Variants in PACRG observed in about 807,000 individuals in gnomAD.
The protein encoded by PACRG is parkin coregulated gene protein.
A neutral mutation model predicts 29.7 loss-of-function variants in PACRG; 29 were observed. That is an observed-to-expected ratio of 0.98 (90% CI 0.73 to 1.33). The LOEUF (loss-of-function observed/expected upper bound fraction) is 1.33, where lower values mean the gene tolerates loss of function less well. Among genes scored for constraint, PACRG ranks in the 40% most tolerant of loss-of-function variants. The probability of loss-of-function intolerance (pLI) is 0.00; values close to 1 mark genes in which losing one functional copy is unlikely to be tolerated. For missense variants in PACRG, 279 were observed against 316.2 expected (o/e 0.88, Z 0.89); for synonymous variants, 116 against 118.7 (o/e 0.98, Z 0.15).
chr6:162,945,896 A>G (rs1351801837), intron 2 of PACRG, among the ~76,000 whole-genome samples: 1 of 152,128 alleles, frequency 6.6e-6, no homozygotes, highest in Non-Finnish European at 1.5e-5. Flanking sequence ...ATTAAACAAC[A>G]TGTTCCTGAA....
chr6:163,097,542 C>A (rs1814709193), intron 4 of PACRG, among the ~76,000 whole-genome samples: 1 of 152,210 alleles, frequency 6.6e-6, no homozygotes, highest in Non-Finnish European at 1.5e-5. Flanking sequence ...GGCACAGTCT[C>A]AGGAGGTCCT....
rs566917761 is a variant in PACRG, at chr6:162,815,047, A to G, written c.291+766A>G. On this transcript the variant is annotated intron_variant, in intron 2 of 4. Coordinates refer to ENST00000366888, the MANE Select transcript of PACRG (RefSeq NM_001080379.2). ...TGCTGGTCTCTAACCAGCTTCTGCT[A>G]TTTAATTATTGTTGTTATCAAAGAC... 2.6e-5 allele frequency among the ~76,000 whole-genome samples: 4 copies of G among 152,304 alleles called. No individual in the cohort carries two copies. In the South Asian group the frequency reaches 6.2e-4, roughly 24 times the overall value.
intron 2 of PACRG, among the ~76,000 whole-genome samples, chr6:162,828,546 C>T (rs1788475648): frequency 6.6e-6 from 1 of 152,090 alleles, no homozygotes; most frequent in Non-Finnish European, 1.5e-5. Context: ...ATGGAGCTTC[C>T]ACTACAGTAG....
intron 2 of PACRG, among the ~76,000 whole-genome samples, chr6:162,986,966 CT>C (rs1401203057): frequency 6.6e-6 from 1 of 151,648 alleles, no homozygotes; most frequent in Non-Finnish European, 1.5e-5. Context: ...TCAACTTTCT[CT>C]GGTATCTCTT....
chr6:162,766,827 A>G (rs35260185), intron 1 of PACRG, among the ~76,000 whole-genome samples: 14,589 of 152,036 alleles, frequency 0.096, 958 homozygotes, highest in South Asian at 0.23. Context: ...CTAACTCAGT[A>G]GTTTTTCTTT....
At chr6:163,101,135 AT>A in intron 4 of PACRG, 1 of 983,660 alleles carries the variant, frequency 1.0e-6, no homozygotes, top group Non-Finnish European at 1.2e-6. Flanking sequence ...TTGCATACCA[AT>A]TACAACTCTG....
At chr6:163,274,861 C>CTTTCTTTTT (rs1554238854) in intron 4 of PACRG, among the ~76,000 whole-genome samples, 1 of 126,326 alleles carries the variant, frequency 7.9e-6, no homozygotes, top group African/African-American at 3.0e-5. Flanking sequence ...TTCTTTCTTT[C>CTTTCTTTTT]TTTTTTTTTT....
At chr6:162,743,062 G>C (rs561929264) in intron 1 of PACRG, among the ~76,000 whole-genome samples, 1 of 151,968 alleles carries the variant, frequency 6.6e-6, no homozygotes, top group African/African-American at 2.4e-5. Context: ...TGATGATAAC[G>C]GTTCTAACAA....
chr6:163,117,353 C>G (rs372637642), intron 4 of PACRG, among the ~76,000 whole-genome samples: 12 of 152,214 alleles, frequency 7.9e-5, no homozygotes, highest in African/African-American at 2.4e-4. Context: ...CCGCCTGGCT[C>G]CAGCCACTGG....
chr6:163,155,297 A>G (rs1293609151), intron 4 of PACRG, among the ~76,000 whole-genome samples: 4 of 152,212 alleles, frequency 2.6e-5, no homozygotes, highest in Admixed American at 2.0e-4. Context: ...AGTGAAGAGG[A>G]GGCTCGTCCC....
Position 162,955,191 on chromosome 6 carries a change from G to A in PACRG, c.292-106959G>A, listed in dbSNP as rs114673128. On this transcript the variant is annotated intron_variant, in intron 2 of 4. Coordinates refer to ENST00000366888, the MANE Select transcript of PACRG (RefSeq NM_001080379.2). ...AGAAGAAAAAGCAAAAGGGGAGAGC[G>A]GGCTGACCAGGTGAGGTGGGTAGGG... Among the ~76,000 whole-genome samples the A allele has an allele frequency of 8.2e-3, 1,250 of 152,320 alleles. 12 individuals are homozygous for A. The highest frequency in any genetic ancestry group is 0.027 in the African/African-American group (1,138 of 41,562).
At chr6:162,963,195 AT>A (rs766834135) in intron 2 of PACRG, among the ~76,000 whole-genome samples, 13 of 152,178 alleles carry the variant, frequency 8.5e-5, no homozygotes, top group Non-Finnish European at 1.9e-4. Context: ...AGGTAGAGTA[AT>A]TTAAAGTATA....
intron 4 of PACRG, among the ~76,000 whole-genome samples, chr6:163,290,942 G>T (rs1784579295): frequency 6.6e-6 from 1 of 152,172 alleles, no homozygotes; most frequent in African/African-American, 2.4e-5. Flanking sequence ...TTGCCCCTCT[G>T]CTTTCCTGGT....
intron 2 of PACRG, among the ~76,000 whole-genome samples, chr6:162,990,295 A>G (rs1354087033): frequency 6.6e-6 from 1 of 151,824 alleles, no homozygotes; most frequent in Admixed American, 6.6e-5. Context: ...CTAGTTCTAG[A>G]TCCCTGAGAA....
chr6:162,872,764 A>G (rs989431474), intron 2 of PACRG, among the ~76,000 whole-genome samples: 2 of 152,194 alleles, frequency 1.3e-5, no homozygotes, highest in Non-Finnish European at 2.9e-5. Context: ...GGTTCCCACC[A>G]TCCCACCGCT....
chr6:163,127,126 T>A (rs1816548114), intron 4 of PACRG, among the ~76,000 whole-genome samples: 1 of 152,218 alleles, frequency 6.6e-6, no homozygotes, highest in Non-Finnish European at 1.5e-5. Flanking sequence ...ACAGGGTCAA[T>A]GAAGTGGCAA....
At chr6:162,854,896 A>G (rs574799150) in intron 2 of PACRG, among the ~76,000 whole-genome samples, 2 of 152,346 alleles carry the variant, frequency 1.3e-5, no homozygotes, top group African/African-American at 4.8e-5. Context: ...TTGGAGGTGC[A>G]CAGAGTCCGA....
chr6:162,995,612 G>T (rs867980155), intron 2 of PACRG, among the ~76,000 whole-genome samples: 4 of 152,330 alleles, frequency 2.6e-5, no homozygotes, highest in South Asian at 4.1e-4. Flanking sequence ...CGCCTGGTGC[G>T]TGCACCCACT....
chr6:163,059,604 C>A (rs899154873), intron 2 of PACRG, among the ~76,000 whole-genome samples: 2 of 152,114 alleles, frequency 1.3e-5, no homozygotes, highest in Admixed American at 6.5e-5. Context: ...AACAACAAAG[C>A]CTGAGAGGCA....
Sources: allele counts gnomAD v4.1 joint callset (sites outside exome capture counted in the v4.1 genomes callset), GRCh38; gene constraint gnomAD v4.1.1; transcripts MANE v1.5; gene names NCBI Gene and HGNC (gene_info 2026-07-23, HGNC 2026-07-21).